TUBE1: variants seen among roughly 807,000 people sequenced by gnomAD.
TUBE1 encodes the protein tubulin epsilon 1.
In TUBE1, 34 loss-of-function variants were observed where a neutral mutation model predicts 53.5. That is an observed-to-expected ratio of 0.64 (90% CI 0.48 to 0.85). The LOEUF (loss-of-function observed/expected upper bound fraction) is 0.85, where lower values mean the gene tolerates loss of function less well. TUBE1 is among the 40% of genes least tolerant of loss of function. TUBE1 has a pLI of 0.00. For missense variants in TUBE1, 532 were observed against 570.5 expected (o/e 0.93, Z 0.69); for synonymous variants, 177 against 198.4 (o/e 0.89, Z 0.91).
intron 2 of TUBE1, 138 bp downstream of exon 2, chr6:112,087,095 A>G (rs782488558): frequency 5.3e-6 from 4 of 754,714 alleles, no homozygotes; most frequent in Non-Finnish European, 8.6e-6. Flanking sequence ...CAACATGTTT[A>G]AAAACCAGTA....
rs371012460 is a variant in TUBE1, at chr6:112,085,411, T to C, written c.152+1145A>G. 4.8e-5 allele frequency: 12 copies of C among 248,376 alleles called. No homozygotes were observed. The East Asian group carries it at 9.0e-4, about 19-fold the overall frequency. The allele number at this position is 248,376 out of a possible 1,614,324, so 15.4% of individuals were successfully genotyped here. On this transcript the variant is annotated intron_variant, in intron 3 of 11. Transcript: ENST00000368662. ...AGAGTGTAGTTATGAAGAGTCACCTTATGAAGAAAGAAAAGCTCCCAGGCT... is the reference window on the plus strand; with the variant it reads ...AGAGTGTAGTTATGAAGAGTCACCTCATGAAGAAAGAAAAGCTCCCAGGCT...
In TUBE1 at chr6:112,071,863, A is replaced by G. The variant is rs782752409; in HGVS notation, c.1269+39T>C. On this transcript the variant is annotated intron_variant, in intron 11 of 11. Transcript: ENST00000368662. ...TTTAAGAATACATCTTAAATAGCCA[A>G]AATAAACACATACAGTTACAAAGCT... 1.9e-5 allele frequency: 29 copies of G among 1,543,384 alleles called. No homozygotes were observed. In the Admixed American group the frequency reaches 6.0e-4, roughly 32 times the overall value.
chr6:112,072,154 T>C (rs1483178239), intron 10 of TUBE1, 78 bp from the exon 11 acceptor site: 1 of 1,099,184 alleles, frequency 9.1e-7, no homozygotes, highest in Non-Finnish European at 1.3e-6. Flanking sequence ...CAGCTCATAT[T>C]AGTTAAACCA....
At position 112,083,273 on chromosome 6, in the gene TUBE1, G is replaced by A. The variant is rs1777097823; in HGVS notation, c.210+916C>T. Among the ~76,000 whole-genome samples the A allele has an allele frequency of 2.0e-5, 3 of 150,440 alleles. No homozygotes were observed. In the Admixed American group the frequency reaches 2.0e-4, roughly 10 times the overall value. On this transcript the variant is annotated intron_variant, in intron 4 of 11. Transcript: ENST00000368662. Reference sequence around the variant, plus strand: ...AAAACTATTGCTCACCAGTCTTTAAGCTACTACACCAGGTCTGATCCTTGG... The same window carrying A: ...AAAACTATTGCTCACCAGTCTTTAAACTACTACACCAGGTCTGATCCTTGG...
intron 8 of TUBE1, 127 bp from the exon 9 acceptor site, chr6:112,074,977 T>A (rs1252012968): frequency 2.1e-6 from 1 of 470,236 alleles, no homozygotes; most frequent in Non-Finnish European, 3.5e-6. Context: ...GCAGAACACA[T>A]GCTTTTCTTC....
At chr6:112,072,099 C>G (rs1310133389) in intron 10 of TUBE1, 23 bp from the exon 11 acceptor site, 1 of 1,553,848 alleles carries the variant, frequency 6.4e-7, no homozygotes, top group African/African-American at 1.4e-5. Flanking sequence ...AAAAAAATCT[C>G]AGAAGGTGAG....
At chr6:112,083,444 G>C (rs1447199183) in intron 4 of TUBE1, among the ~76,000 whole-genome samples, 1 of 150,812 alleles carries the variant, frequency 6.6e-6, no homozygotes, top group South Asian at 2.1e-4. Flanking sequence ...TCAGCCTCCC[G>C]AGCAGCTAGG....
chr6:112,075,788 C>G (rs1431131242), intron 8 of TUBE1, 149 bp downstream of exon 8: 1 of 650,582 alleles, frequency 1.5e-6, no homozygotes, highest in Non-Finnish European at 2.5e-6. Context: ...AGGTAAAATT[C>G]TGCGTGATCA....
rs1776844103 is a variant in TUBE1 at position 112,070,873 on chromosome 6, A to C, written c.*539T>G. On this transcript the variant is annotated 3_prime_UTR_variant, in exon 12 of 12. Transcript: ENST00000368662. ...CAAATACATGTTAAGTGTACAAATT[A>C]GGATTCTTTTGGGCAAACAAGTTGT... 1 of 152,174 alleles carries C rather than the reference A, an allele frequency of 6.6e-6. No homozygotes were observed. The highest frequency in any genetic ancestry group is 2.4e-5 in the African/African-American group (1 of 41,474). 9.4% of individuals were successfully genotyped at this position (152,174 alleles called of 1,614,324 possible).
intron 10 of TUBE1, 37 bp from the exon 11 acceptor site, chr6:112,072,113 T>G (rs781787433): frequency 6.6e-7 from 1 of 1,510,752 alleles, no homozygotes; most frequent in South Asian, 1.3e-5. Flanking sequence ...AGGTGAGAAC[T>G]AAGGTACTAA....
rs17073285 is a variant in TUBE1, at chr6:112,076,546, G to T, written c.449-37C>A. 3,667 of 1,517,866 alleles carry T rather than the reference G, an allele frequency of 2.4e-3. 119 individuals carry two copies. The East Asian group carries it at 0.07, about 29-fold the overall frequency. The allele number at this position is 1,517,866 out of a possible 1,614,324, so 94.0% of individuals were successfully genotyped here. A position where few individuals can be genotyped will look rare whatever the true frequency, so the allele number is the denominator to read the frequency against. On this transcript the variant is annotated intron_variant, in intron 6 of 11. Coordinates refer to ENST00000368662, the MANE Select transcript of TUBE1 (RefSeq NM_016262.5). ...AGTGTTTTTAAAAATTAGCATAAAT[G>T]ATTCAGAATATAATTGTGAAGAATT...
intron 4 of TUBE1, among the ~76,000 whole-genome samples, chr6:112,083,729 G>A (rs1050313063): frequency 2.0e-5 from 3 of 152,182 alleles, no homozygotes; most frequent in Non-Finnish European, 4.4e-5. Context: ...GAATGATTAA[G>A]ACTGTAAATA....
At chr6:112,086,814 G>A (rs1328446937) in intron 2 of TUBE1, 4 of 530,688 alleles carry the variant, frequency 7.5e-6, no homozygotes, top group Non-Finnish European at 1.3e-5. Flanking sequence ...TCAGCAGGGG[G>A]TGCTAAAGAA....
At chr6:112,076,298 A>G (rs782194607) in intron 7 of TUBE1, 24 bp downstream of exon 7, 4 of 1,536,062 alleles carry the variant, frequency 2.6e-6, no homozygotes, top group East Asian at 4.5e-5. Context: ...ACATTTATTC[A>G]TAAGTTCCAA....
At chr6:112,074,674 G>A in intron 9 of TUBE1, 36 bp downstream of exon 9, 1 of 1,400,710 alleles carries the variant, frequency 7.1e-7, no homozygotes. Flanking sequence ...AAAGTAATTT[G>A]AGGCCTCAAA....
In TUBE1 at chr6:112,076,361, A is replaced by G; in HGVS notation, c.597T>C (p.Leu199=). Residue 199 remains leucine (L), a synonymous_variant, in exon 7 of 12, where the codon CTT becomes CTC. Coordinates refer to ENST00000368662, the MANE Select transcript of TUBE1 (RefSeq NM_016262.5). ...PYNSILAMKE[L]NEHADCVLPI... Reference sequence around the variant, plus strand: ...GCAATACACAGTCTGCATGCTCATTAAGTTCCTTCATTGCCAAGATGCTAT... The same window carrying G: ...GCAATACACAGTCTGCATGCTCATTGAGTTCCTTCATTGCCAAGATGCTAT... 16 of 1,604,726 alleles carry G rather than the reference A, an allele frequency of 1.0e-5. No individual in the cohort carries two copies. The highest frequency in any genetic ancestry group is 1.4e-5 in the Non-Finnish European group (16 of 1,176,676).
chr6:112,072,736 T>A, intron 10 of TUBE1, 22 bp downstream of exon 10: 2 of 1,609,940 alleles, frequency 1.2e-6, no homozygotes, highest in South Asian at 1.1e-5. Flanking sequence ...ACACAAATTA[T>A]CTTTAAAAAT....
At position 112,070,872 on chromosome 6, in the gene TUBE1, T is replaced by G. The variant is rs1422754561; in HGVS notation, c.*540A>C. 1 of 152,084 alleles carries G rather than the reference T, an allele frequency of 6.6e-6. No individual in the cohort carries two copies. The highest frequency in any genetic ancestry group is 6.5e-5 in the Admixed American group (1 of 15,272). 9.4% of individuals were successfully genotyped at this position (152,084 alleles called of 1,614,324 possible). A position where few individuals can be genotyped will look rare whatever the true frequency, so the allele number is the denominator to read the frequency against. On this transcript the variant is annotated 3_prime_UTR_variant, in exon 12 of 12. Coordinates refer to ENST00000368662, the MANE Select transcript of TUBE1 (RefSeq NM_016262.5). ...ACAAATACATGTTAAGTGTACAAAT[T>G]AGGATTCTTTTGGGCAAACAAGTTG...
At position 112,085,025 on chromosome 6, in the gene TUBE1, C is replaced by G. The variant is rs587757149; in HGVS notation, c.153-779G>C. Among the ~76,000 whole-genome samples the G allele has an allele frequency of 3.3e-5, 5 of 152,296 alleles. No homozygotes were observed. In the East Asian group the frequency reaches 9.6e-4, roughly 29 times the overall value. On this transcript the variant is annotated intron_variant, in intron 3 of 11. Coordinates refer to ENST00000368662, the MANE Select transcript of TUBE1 (RefSeq NM_016262.5). Reference sequence around the variant, plus strand: ...TATTCAAATGTGGACACACCCATTCCTTTATGTATTACCTATGCCCACAAT... The same window carrying G: ...TATTCAAATGTGGACACACCCATTCGTTTATGTATTACCTATGCCCACAAT...
Sources: gnomAD v4.1 joint callset for allele counts (sites outside exome capture counted in the v4.1 genomes callset) on GRCh38, gnomAD v4.1.1 for gene constraint, MANE v1.5 for transcripts, NCBI Gene and HGNC (gene_info 2026-07-23, HGNC 2026-07-21) for gene names.